LINGO2: variants seen among roughly 807,000 people sequenced by gnomAD.
LINGO2 encodes the protein leucine rich repeat and Ig domain containing 2.
Under a neutral mutation model 30.6 loss-of-function variants are expected in LINGO2, and 14 were observed. The observed-to-expected ratio is 0.46, with a 90% confidence interval of 0.30 to 0.72. The LOEUF is 0.72. LINGO2 is among the 30% of genes least tolerant of loss of function. The pLI is 0.07. For missense variants in LINGO2, 729 were observed against 751.7 expected, an observed-to-expected ratio of 0.97 and a Z score of 0.35; for synonymous variants, 317 against 288.5, an observed-to-expected ratio of 1.10 and a Z score of -1.00.
intron 4 of LINGO2, among the ~76,000 whole-genome samples, chr9:28,095,590 C>G (rs934925164): frequency 1.3e-5 from 2 of 151,720 alleles, no homozygotes; most frequent in Admixed American, 1.3e-4. Flanking sequence ...AACATTAGAC[C>G]TAAAACCATA....
intron 3 of LINGO2, among the ~76,000 whole-genome samples, chr9:28,365,519 C>G (rs1212649914): frequency 6.6e-6 from 1 of 152,092 alleles, no homozygotes; most frequent in Non-Finnish European, 1.5e-5. Context: ...ACGTTCCTAA[C>G]CTGGAATGAG....
rs770532626 is a variant in LINGO2, at chr9:28,003,372, TAGATAGATAG to T, written c.-36+8973_-36+8982del. On this transcript the variant is annotated intron_variant, in intron 5 of 5. Transcript: ENST00000379992. The stretch of plus-strand genomic sequence containing the variant: ...ATAGATAGATAGATAGATAGATAGA[TAGATAGATAG>T]ATATAGAGAGAGAGAGAGTTAGAGA... Among the ~76,000 whole-genome samples the T allele has an allele frequency of 7.9e-3, 1,110 of 141,022 alleles. 46 individuals carry two copies. In the East Asian group the frequency reaches 0.13, roughly 16 times the overall value. The allele number at this position is 141,022 out of a possible 152,430, so 92.5% of individuals were successfully genotyped here. A position where few individuals can be genotyped will look rare whatever the true frequency, so the allele number is the denominator to read the frequency against.
the LINGO2 span, among the ~76,000 whole-genome samples, chr9:29,042,176 G>A: frequency 6.6e-6 from 1 of 152,024 alleles, no homozygotes; most frequent in East Asian, 1.9e-4. Flanking sequence ...TGAAGATATT[G>A]GATCACTCAT....
chr9:28,190,640 G>C (rs542025083), intron 4 of LINGO2, among the ~76,000 whole-genome samples: 1 of 152,090 alleles, frequency 6.6e-6, no homozygotes, highest in Non-Finnish European at 1.5e-5. Context: ...CCTTGATCTT[G>C]GACTTCCCAG....
the LINGO2 span, among the ~76,000 whole-genome samples, chr9:29,009,552 C>G: frequency 1.3e-5 from 2 of 152,154 alleles, no homozygotes; most frequent in African/African-American, 4.8e-5. Flanking sequence ...AATGGAAGAA[C>G]ATTCCATGCT....
the LINGO2 span, among the ~76,000 whole-genome samples, chr9:28,911,378 C>A: frequency 0.9 from 135,978 of 151,808 alleles, 61,179 homozygotes; most frequent in Non-Finnish European, 0.94. Flanking sequence ...TTTGACATTC[C>A]TTGATATATG....
the LINGO2 span, among the ~76,000 whole-genome samples, chr9:29,057,890 G>T: frequency 1.3e-5 from 2 of 151,902 alleles, no homozygotes; most frequent in Non-Finnish European, 2.9e-5. Flanking sequence ...GAAAGGCCAC[G>T]CCTAAAGAAC....
At chr9:28,019,990 C>A (rs941996752) in intron 4 of LINGO2, among the ~76,000 whole-genome samples, 3 of 152,100 alleles carry the variant, frequency 2.0e-5, no homozygotes, top group African/African-American at 7.2e-5. Context: ...TGAAATCAGC[C>A]AAATGAGACA....
At chr9:28,434,448 G>T (rs1053895409) in intron 2 of LINGO2, among the ~76,000 whole-genome samples, 3 of 150,612 alleles carry the variant, frequency 2.0e-5, no homozygotes, top group African/African-American at 7.3e-5. Flanking sequence ...AACCCTGATT[G>T]TGTCTGGCCC....
At chr9:28,476,824 A>C (rs4879248) in intron 1 of LINGO2, among the ~76,000 whole-genome samples, 136,176 of 152,224 alleles carry the variant, frequency 0.89, 61,213 homozygotes, top group East Asian at 1. Context: ...ATTTAATATA[A>C]TGGACAAGTC....
the LINGO2 span, among the ~76,000 whole-genome samples, chr9:28,804,132 G>A: frequency 2.0e-4 from 31 of 152,030 alleles, no homozygotes; most frequent in Admixed American, 3.3e-4. Flanking sequence ...TTCTCTATCC[G>A]TGTCAGTTCC....
chr9:29,121,814 G>A, the LINGO2 span, among the ~76,000 whole-genome samples: 1 of 152,026 alleles, frequency 6.6e-6, no homozygotes, highest in Non-Finnish European at 1.5e-5. Context: ...TTGATTTTAT[G>A]TGTGATTAAT....
At chr9:28,863,038 A>G in the LINGO2 span, among the ~76,000 whole-genome samples, 22,032 of 152,042 alleles carry the variant, frequency 0.14, 2,395 homozygotes, top group African/African-American at 0.31. Context: ...CCAGAAGAGT[A>G]AATGAAAATG....
the LINGO2 span, among the ~76,000 whole-genome samples, chr9:28,931,557 T>C: frequency 6.6e-6 from 1 of 152,194 alleles, no homozygotes; most frequent in South Asian, 2.1e-4. Context: ...ACATTTGTCC[T>C]TAACTACAAC....
the LINGO2 span, among the ~76,000 whole-genome samples, chr9:28,783,479 G>T: frequency 6.6e-6 from 1 of 151,726 alleles, no homozygotes; most frequent in African/African-American, 2.4e-5. Context: ...ACCTGTGATT[G>T]GTCATCTCTG....
intron 5 of LINGO2, among the ~76,000 whole-genome samples, chr9:27,974,880 T>A (rs1820523841): frequency 6.6e-6 from 1 of 152,166 alleles, no homozygotes; most frequent in Non-Finnish European, 1.5e-5. Context: ...TATTTAATTC[T>A]AGAAAATTTT....
At chr9:28,445,778 A>C (rs145024840) in intron 2 of LINGO2, among the ~76,000 whole-genome samples, 1 of 152,190 alleles carries the variant, frequency 6.6e-6, no homozygotes, top group Non-Finnish European at 1.5e-5. Flanking sequence ...TGACAATGTT[A>C]CTTATTGTTG....
At chr9:28,280,179 C>A (rs571473671) in intron 4 of LINGO2, among the ~76,000 whole-genome samples, 1 of 151,924 alleles carries the variant, frequency 6.6e-6, no homozygotes, top group Non-Finnish European at 1.5e-5. Context: ...AAGTAGTGTG[C>A]GGAAAAATTA....
At chr9:27,940,187 T>C in the LINGO2 span, 3 of 152,196 alleles carry the variant, frequency 2.0e-5, no homozygotes, top group Admixed American at 6.5e-5. Context: ...GTAATAGATA[T>C]GTATATACGT....
Sources: gnomAD v4.1 joint callset for allele counts (sites outside exome capture counted in the v4.1 genomes callset) on GRCh38, gnomAD v4.1.1 for gene constraint, MANE v1.5 for transcripts, NCBI Gene and HGNC (gene_info 2026-07-23, HGNC 2026-07-21) for gene names.